DSCAM: variants seen among roughly 807,000 people sequenced by gnomAD.
DSCAM encodes cell adhesion molecule DSCAM.
Under a neutral mutation model 217.7 loss-of-function variants are expected in DSCAM, and 47 were observed. That is an observed-to-expected ratio of 0.22 (90% CI 0.17 to 0.28). The LOEUF (loss-of-function observed/expected upper bound fraction) is 0.28, where lower values mean the gene tolerates loss of function less well. Among genes scored for constraint, DSCAM ranks in the 10% least tolerant of loss-of-function variants. The probability of loss-of-function intolerance (pLI) is 1.00; values close to 1 mark genes in which losing one functional copy is unlikely to be tolerated. For synonymous variants in DSCAM, 1,056 were observed against 1,015.3 expected (o/e 1.04, Z -0.76); for missense variants, 2,080 against 2,618.3 (o/e 0.79, Z 4.49).
chr21:40,129,986 G>A (rs2090138520), intron 19 of DSCAM, among the ~76,000 whole-genome samples: 1 of 152,194 alleles, frequency 6.6e-6, no homozygotes, highest in South Asian at 2.1e-4. Flanking sequence ...TGATGGTGGG[G>A]AGGGAGTAGA....
chr21:40,712,809 CAGAGAG>C (rs142528775), intron 1 of DSCAM, among the ~76,000 whole-genome samples: 17 of 148,940 alleles, frequency 1.1e-4, no homozygotes, highest in African/African-American at 2.0e-4. Flanking sequence ...GAAGTTGAGA[CAGAGAG>C]AGAGAGAGAG....
intron 27 of DSCAM, among the ~76,000 whole-genome samples, chr21:40,072,008 C>T (rs1260441289): frequency 2.0e-5 from 3 of 152,218 alleles, no homozygotes; most frequent in Non-Finnish European, 4.4e-5. Context: ...TCACCTCTGG[C>T]GCTGTCCTTT....
chr21:40,509,966 T>C (rs1050531325), intron 3 of DSCAM, among the ~76,000 whole-genome samples: 4 of 151,956 alleles, frequency 2.6e-5, no homozygotes, highest in Non-Finnish European at 2.9e-5. Flanking sequence ...CTACTAAATA[T>C]ACAAAAAATT....
intron 19 of DSCAM, among the ~76,000 whole-genome samples, chr21:40,129,618 C>T (rs1006101100): frequency 6.6e-6 from 1 of 152,170 alleles, no homozygotes; most frequent in Admixed American, 6.5e-5. Context: ...TCTTCTAGGA[C>T]ATCTTGTCTG....
intron 19 of DSCAM, among the ~76,000 whole-genome samples, chr21:40,132,543 G>C (rs1258137484): frequency 1.3e-5 from 2 of 152,162 alleles, no homozygotes; most frequent in African/African-American, 2.4e-5. Flanking sequence ...TTCCCTGGAA[G>C]GACTACCTGT....
intron 3 of DSCAM, among the ~76,000 whole-genome samples, chr21:40,597,850 G>A (rs987806370): frequency 6.6e-6 from 1 of 152,080 alleles, no homozygotes; most frequent in African/African-American, 2.4e-5. Context: ...GAAAAATTGA[G>A]GCGATAGTAG....
At chr21:40,286,108 G>A (rs1267345884) in intron 10 of DSCAM, among the ~76,000 whole-genome samples, 1 of 152,168 alleles carries the variant, frequency 6.6e-6, no homozygotes, top group African/African-American at 2.4e-5. Flanking sequence ...GTGGGACAGT[G>A]GGAGGGCAGC....
intron 3 of DSCAM, among the ~76,000 whole-genome samples, chr21:40,567,562 G>T (rs185976380): frequency 1.3e-5 from 2 of 152,210 alleles, no homozygotes; most frequent in Non-Finnish European, 2.9e-5. Flanking sequence ...AAGGAACACA[G>T]ACAAACATCT....
chr21:40,270,577 T>C (rs887535012), intron 11 of DSCAM, among the ~76,000 whole-genome samples: 3 of 152,204 alleles, frequency 2.0e-5, no homozygotes, highest in South Asian at 2.1e-4. Context: ...TCAGAAATGA[T>C]GATTGATATG....
intron 6 of DSCAM, among the ~76,000 whole-genome samples, chr21:40,342,831 C>G (rs1301516603): frequency 6.9e-6 from 1 of 145,014 alleles, no homozygotes; most frequent in Non-Finnish European, 1.5e-5. Flanking sequence ...AGGGCCTCAG[C>G]CTCCCAAAGG....
intron 27 of DSCAM, among the ~76,000 whole-genome samples, chr21:40,072,299 G>A (rs2089302313): frequency 6.6e-6 from 1 of 151,708 alleles, no homozygotes; most frequent in Non-Finnish European, 1.5e-5. Flanking sequence ...CAGAAGTGGT[G>A]TGAAATTGGG....
intron 3 of DSCAM, among the ~76,000 whole-genome samples, chr21:40,489,026 C>A (rs915196895): frequency 6.6e-6 from 1 of 152,162 alleles, no homozygotes; most frequent in African/African-American, 2.4e-5. Context: ...TTCTAAAAAA[C>A]CACAACACAA....
chr21:40,213,886 G>A (rs2091212413), intron 11 of DSCAM, among the ~76,000 whole-genome samples: 1 of 152,202 alleles, frequency 6.6e-6, no homozygotes, highest in African/African-American at 2.4e-5. Flanking sequence ...CAGAACCCCT[G>A]GGTCCCTCAT....
chr21:40,516,103 CTTTT>C (rs1345722187), intron 3 of DSCAM, among the ~76,000 whole-genome samples: 5 of 151,122 alleles, frequency 3.3e-5, no homozygotes, highest in African/African-American at 1.2e-4. Context: ...TAATTTTATT[CTTTT>C]ATCTCCCCCA....
At chr21:40,473,714 G>T (rs1311476929) in intron 3 of DSCAM, among the ~76,000 whole-genome samples, 1 of 152,138 alleles carries the variant, frequency 6.6e-6, no homozygotes, top group Non-Finnish European at 1.5e-5. Flanking sequence ...GCCTACAAAG[G>T]GGTGATTAAG....
At chr21:40,085,901 T>A in intron 22 of DSCAM, 136 bp from the exon 23 acceptor site, 1 of 708,478 alleles carries the variant, frequency 1.4e-6, no homozygotes, top group Non-Finnish European at 2.1e-6. Context: ...ATGAAAGAAC[T>A]AAATATGATT....
intron 1 of DSCAM, among the ~76,000 whole-genome samples, chr21:40,812,544 C>G (rs977770770): frequency 1.2e-4 from 19 of 152,226 alleles, no homozygotes; most frequent in African/African-American, 4.6e-4. Context: ...TGACTACCCA[C>G]ACTCTCACGG....
At position 40,078,980 on chromosome 21, in the gene DSCAM, G is replaced by C. The variant is rs750600017; in HGVS notation, c.4421-3C>G. 1 of 1,612,618 alleles carries C rather than the reference G, an allele frequency of 6.2e-7. No individual in the cohort carries two copies. Among genetic ancestry groups the C allele is most frequent in the Admixed American group, 1.7e-5 (1 of 59,964 alleles). On this transcript the variant is annotated splice_region_variant and splice_polypyrimidine_tract_variant and intron_variant, in intron 25 of 32. Transcript: ENST00000400454. The stretch of plus-strand genomic sequence containing the variant: ...CTGCTCCTTTGAGAACTGGGGCTCT[G>C]GGGGAGAAGGCACATGGAGGTCAGC...
At position 40,692,945 on chromosome 21, in the gene DSCAM, G is replaced by C. The variant is rs1230619080; in HGVS notation, c.373C>G (p.Pro125Ala). 1 of 1,605,978 alleles carries C rather than the reference G, an allele frequency of 6.2e-7. No individual in the cohort carries two copies. The change falls in exon 3 of 33, where the codon CCC (proline) becomes GCC (alanine). Residue 125 changes from proline (P) to alanine (A), a missense_variant. Coordinates refer to ENST00000400454, the MANE Select transcript of DSCAM (RefSeq NM_001389.5). The part of the protein sequence containing the change: ...DVHIKAVLRE[P>A]YTVRVEDQKT... ...TGGTCCTCCACACGGACTGTATAGG[G>C]CTCCCGTAAAACTGGAAGGCAGAAA...
Sources: allele counts gnomAD v4.1 joint callset (sites outside exome capture counted in the v4.1 genomes callset), GRCh38; gene constraint gnomAD v4.1.1; transcripts MANE v1.5; gene names NCBI Gene and HGNC (gene_info 2026-07-23, HGNC 2026-07-21).